Variants in CLSTN2 observed in about 807,000 individuals in gnomAD.
The protein encoded by CLSTN2 is calsyntenin-2.
Under a neutral mutation model 101.2 loss-of-function variants are expected in CLSTN2, and 48 were observed. The observed-to-expected ratio is 0.47, with a 90% CI of 0.38 to 0.60. CLSTN2 has a LOEUF of 0.60. CLSTN2 is among the 20% of genes least tolerant of loss of function. The pLI is 0.00. For synonymous variants in CLSTN2, 481 were observed against 463.6 expected, an observed-to-expected ratio of 1.04 and a Z score of -0.48; for missense variants, 1,160 against 1,238.2, an observed-to-expected ratio of 0.94 and a Z score of 0.95.
intron 8 of CLSTN2, among the ~76,000 whole-genome samples, chr3:140,519,863 G>A (rs1446545265): frequency 6.6e-6 from 1 of 152,158 alleles, no homozygotes; most frequent in Admixed American, 6.5e-5. Context: ...ATGCTAGCTG[G>A]TTATTTTGTA....
intron 2 of CLSTN2, among the ~76,000 whole-genome samples, chr3:140,359,061 C>T (rs908013459): frequency 6.6e-6 from 1 of 152,036 alleles, no homozygotes; most frequent in African/African-American, 2.4e-5. Flanking sequence ...TCTGCCATCA[C>T]CCAGTGTCCC....
chr3:140,016,524 G>A (rs2007204616), intron 1 of CLSTN2, among the ~76,000 whole-genome samples: 1 of 151,996 alleles, frequency 6.6e-6, no homozygotes, highest in Non-Finnish European at 1.5e-5. Flanking sequence ...TCACAGGCTG[G>A]GCATGGTGGC....
chr3:140,292,676 T>C (rs2086966446), intron 2 of CLSTN2, among the ~76,000 whole-genome samples: 1 of 152,216 alleles, frequency 6.6e-6, no homozygotes, highest in African/African-American at 2.4e-5. Flanking sequence ...ATTAATCAAA[T>C]GACATTAAGT....
At chr3:139,944,855 G>T (rs953625616) in intron 1 of CLSTN2, among the ~76,000 whole-genome samples, 1 of 152,184 alleles carries the variant, frequency 6.6e-6, no homozygotes, top group Non-Finnish European at 1.5e-5. Context: ...TGCAGCATTT[G>T]CTCCGTAGTG....
chr3:140,330,240 A>G (rs957194527), intron 2 of CLSTN2, among the ~76,000 whole-genome samples: 7 of 152,282 alleles, frequency 4.6e-5, no homozygotes, highest in South Asian at 2.1e-4. Context: ...TGACTCTTCA[A>G]CCCGCCTGAT....
chr3:140,251,062 T>C (rs960974059), intron 2 of CLSTN2, among the ~76,000 whole-genome samples: 1 of 152,208 alleles, frequency 6.6e-6, no homozygotes, highest in South Asian at 2.1e-4. Flanking sequence ...GCCGCCCACA[T>C]GTGGGACATG....
At chr3:139,989,822 C>A (rs1294727351) in intron 1 of CLSTN2, among the ~76,000 whole-genome samples, 1 of 152,146 alleles carries the variant, frequency 6.6e-6, no homozygotes, top group Non-Finnish European at 1.5e-5. Flanking sequence ...TAGTTCTTCC[C>A]TTCTGAAAGA....
chr3:140,118,894 T>C (rs1227045584), intron 1 of CLSTN2, among the ~76,000 whole-genome samples: 3 of 152,192 alleles, frequency 2.0e-5, no homozygotes, highest in Non-Finnish European at 4.4e-5. Context: ...GTTCCTCTGG[T>C]GGTGGTCTTA....
chr3:140,297,613 G>C (rs1399168566), intron 2 of CLSTN2, among the ~76,000 whole-genome samples: 1 of 152,120 alleles, frequency 6.6e-6, no homozygotes, highest in African/African-American at 2.4e-5. Flanking sequence ...TCTAAATTAG[G>C]AGTTAAAAAT....
chr3:139,997,623 T>A (rs147232431), intron 1 of CLSTN2, among the ~76,000 whole-genome samples: 391 of 152,356 alleles, frequency 2.6e-3, no homozygotes, highest in African/African-American at 9.1e-3. Flanking sequence ...ATTACACATC[T>A]GTACTTAGTC....
chr3:140,182,420 C>G (rs1296559150), intron 2 of CLSTN2, among the ~76,000 whole-genome samples: 1 of 152,172 alleles, frequency 6.6e-6, no homozygotes, highest in African/African-American at 2.4e-5. Flanking sequence ...GACCTCATTT[C>G]CCTATCCAGC....
chr3:140,556,660 C>T lies in CLSTN2; in HGVS notation c.1822C>T (p.Gln608Ter). 6.2e-7 allele frequency: 1 copy of T among 1,613,854 alleles called. No individual in the cohort carries two copies. The highest frequency in any genetic ancestry group is 8.5e-7 in the Non-Finnish European group (1 of 1,179,860). The change falls in exon 11 of 17, where the codon CAG becomes TAG. Residue 608 changes from glutamine (Q) to a stop codon, truncating the protein, a stop_gained and splice_region_variant. Coordinates refer to ENST00000458420, the MANE Select transcript of CLSTN2 (RefSeq NM_022131.3). LOFTEE classifies it high-confidence loss of function. ...VRRLKVSSKV[Q>*]CFGEDVCISI... ...GCGCCTCAAAGTATCCTCCAAAGTC[C>T]AGTGAGTGGACGCTGGTCAGCCTGG...
intron 7 of CLSTN2, 85 bp from the exon 8 acceptor site, chr3:140,466,525 G>A (rs9631463): frequency 0.22 from 334,106 of 1,549,988 alleles, 37,820 homozygotes; most frequent in African/African-American, 0.29. Flanking sequence ...TCTGTGCTGT[G>A]CTAAGTGAGT....
At chr3:140,394,512 C>G (rs1262169339) in intron 2 of CLSTN2, among the ~76,000 whole-genome samples, 1 of 152,216 alleles carries the variant, frequency 6.6e-6, no homozygotes, top group Non-Finnish European at 1.5e-5. Context: ...GGTTACATGA[C>G]AGCAAGCAAT....
At chr3:140,038,199 C>T (rs1452582756) in intron 1 of CLSTN2, among the ~76,000 whole-genome samples, 1 of 152,158 alleles carries the variant, frequency 6.6e-6, no homozygotes, top group African/African-American at 2.4e-5. Flanking sequence ...TGCAACCTTG[C>T]CAGCATCTGT....
At chr3:140,472,951 A>C (rs1282289003) in intron 8 of CLSTN2, among the ~76,000 whole-genome samples, 2 of 152,276 alleles carry the variant, frequency 1.3e-5, no homozygotes, top group African/African-American at 2.4e-5. Flanking sequence ...CATTTCAAAG[A>C]GAGCCTCAAG....
At chr3:140,026,471 C>A (rs76254910) in intron 1 of CLSTN2, among the ~76,000 whole-genome samples, 1 of 152,280 alleles carries the variant, frequency 6.6e-6, no homozygotes, top group Non-Finnish European at 1.5e-5. Context: ...AAAAGTTTGC[C>A]CTCACATAAA....
intron 1 of CLSTN2, among the ~76,000 whole-genome samples, chr3:140,172,680 G>A (rs752390110): frequency 2.0e-5 from 3 of 152,202 alleles, no homozygotes; most frequent in African/African-American, 4.8e-5. Flanking sequence ...ACAGTTCCAC[G>A]TGGCTGGGGA....
At chr3:140,091,075 G>A (rs1402609329) in intron 1 of CLSTN2, among the ~76,000 whole-genome samples, 4 of 152,126 alleles carry the variant, frequency 2.6e-5, no homozygotes, top group African/African-American at 9.7e-5. Flanking sequence ...GAGGTTGGTG[G>A]CTTTCTAGAG....
Sources: allele counts gnomAD v4.1 joint callset (sites outside exome capture counted in the v4.1 genomes callset), GRCh38; gene constraint gnomAD v4.1.1; transcripts MANE v1.5; gene names NCBI Gene and HGNC (gene_info 2026-07-23, HGNC 2026-07-21).